Variants in NHSL2 observed in about 807,000 individuals in gnomAD.
The protein encoded by NHSL2 is NHS like 2.
NHSL2 carries 27 observed loss-of-function variants against 53.4 expected under a neutral mutation model. The ratio of observed to expected loss-of-function variants is 0.51; its 90% CI spans 0.37 to 0.70. The LOEUF is 0.70. NHSL2 is among the 30% of genes least tolerant of loss of function. NHSL2 has a pLI of 0.00. For missense variants in NHSL2, 892 were observed against 980.1 expected (o/e 0.91, Z 1.20); for synonymous variants, 408 against 404.1 (o/e 1.01, Z -0.12).
At chrX:72,047,773 C>G (rs1425586166) in intron 1 of NHSL2, among the ~76,000 whole-genome samples, 1 of 111,386 alleles carries the variant, frequency 9.0e-6, no homozygotes, top group East Asian at 2.8e-4. Flanking sequence ...GGGCTAGCAG[C>G]CTTTGAGACT....
chrX:72,132,340 A>T, intron 2 of NHSL2, 106 bp downstream of exon 2: 1 of 723,699 alleles, frequency 1.4e-6, no homozygotes, highest in Non-Finnish European at 2.0e-6. Context: ...ATAAAGACAG[A>T]GAGTTTAAAA....
chrX:71,924,997 A>G (rs1378268599), intron 1 of NHSL2, among the ~76,000 whole-genome samples: 2 of 112,415 alleles, frequency 1.8e-5, no homozygotes, highest in Non-Finnish European at 3.8e-5. Flanking sequence ...TTTTTCTTCA[A>G]AATCTAGTTT....
At chrX:71,939,399 A>T (rs1163790738) in intron 1 of NHSL2, among the ~76,000 whole-genome samples, 1 of 112,297 alleles carries the variant, frequency 8.9e-6, no homozygotes, top group Admixed American at 9.4e-5. Flanking sequence ...AAGTTGTGAC[A>T]TTGGAGGCTG....
At chrX:72,093,777 T>TCTTC (rs2041921435) in intron 1 of NHSL2, among the ~76,000 whole-genome samples, 1 of 108,776 alleles carries the variant, frequency 9.2e-6, no homozygotes, top group African/African-American at 3.4e-5. Flanking sequence ...TTTCTTTCTT[T>TCTTC]CTTTTCCTTT....
At chrX:71,947,071 C>T (rs768504469) in intron 1 of NHSL2, among the ~76,000 whole-genome samples, 4 of 112,080 alleles carry the variant, frequency 3.6e-5, no homozygotes, top group African/African-American at 1.3e-4. Flanking sequence ...TCCTCAGCTG[C>T]GCACCCTCTA....
At chrX:71,993,039 T>C (rs1016297001) in intron 1 of NHSL2, among the ~76,000 whole-genome samples, 1 of 112,406 alleles carries the variant, frequency 8.9e-6, no homozygotes, top group Non-Finnish European at 1.9e-5. Context: ...AGAGCCCCAG[T>C]GTCAGCTAGA....
intron 1 of NHSL2, among the ~76,000 whole-genome samples, chrX:72,005,475 T>C (rs764233042): frequency 1.8e-5 from 2 of 112,047 alleles, no homozygotes; most frequent in Non-Finnish European, 3.8e-5. Context: ...TTTAACCTCA[T>C]GATTCCCTGA....
At chrX:72,122,521 T>A (rs2042189314) in intron 1 of NHSL2, among the ~76,000 whole-genome samples, 1 of 111,694 alleles carries the variant, frequency 9.0e-6, no homozygotes, top group African/African-American at 3.3e-5. Context: ...ATATATGCTA[T>A]TATTATCTCA....
At chrX:72,039,724 C>A (rs1030800625) in intron 1 of NHSL2, among the ~76,000 whole-genome samples, 8 of 111,685 alleles carry the variant, frequency 7.2e-5, no homozygotes, top group Non-Finnish European at 1.1e-4. Flanking sequence ...CATTCTCAAT[C>A]CCTTGGCCTC....
chrX:71,955,929 G>A (rs748244779), intron 1 of NHSL2, among the ~76,000 whole-genome samples: 174 of 111,347 alleles, frequency 1.6e-3, no homozygotes, highest in African/African-American at 5.6e-3. Context: ...GAGCCAAAGA[G>A]CAGGACAGCC....
chrX:71,943,448 G>A (rs1394910425), intron 1 of NHSL2, among the ~76,000 whole-genome samples: 1 of 112,730 alleles, frequency 8.9e-6, no homozygotes, highest in Non-Finnish European at 1.9e-5. Flanking sequence ...TTGGACTATG[G>A]CTTCAGCCTA....
At chrX:71,940,187 A>G in intron 1 of NHSL2, among the ~76,000 whole-genome samples, 2 of 112,233 alleles carry the variant, frequency 1.8e-5, no homozygotes, top group South Asian at 7.4e-4. Context: ...GCCAAGCTAC[A>G]AGAAAGTTTC....
intron 1 of NHSL2, among the ~76,000 whole-genome samples, chrX:71,938,211 A>T (rs144445246): frequency 2.6e-3 from 291 of 112,345 alleles, no homozygotes; most frequent in African/African-American, 9.1e-3. Context: ...AAGGGATTGC[A>T]TGAGCAGGGT....
At chrX:71,978,364 G>T (rs904928304) in intron 1 of NHSL2, among the ~76,000 whole-genome samples, 6 of 111,965 alleles carry the variant, frequency 5.4e-5, no homozygotes, top group African/African-American at 1.9e-4. Context: ...CCCTTGGGTG[G>T]TGCTTTATAC....
chrX:71,994,523 A>C (rs1214106718), intron 1 of NHSL2, among the ~76,000 whole-genome samples: 2 of 110,998 alleles, frequency 1.8e-5, no homozygotes, highest in African/African-American at 6.6e-5. Flanking sequence ...ACTAGTGTTT[A>C]AGGAATGAGG....
Position 71,920,193 on chromosome X carries a change from A to G in NHSL2, c.280+8826A>G, listed in dbSNP as rs368159225. 2.1e-3 allele frequency among the ~76,000 whole-genome samples: 238 copies of G among 112,088 alleles called. 2 individuals carry two copies. Among genetic ancestry groups the G allele is most frequent in the Middle Eastern group, 4.6e-3 (1 of 217 alleles). ...GCAGTGTCTACAAGATGCCCTGGCC[A>G]CCAGGCAATCCAGCCATCTCCCTGG... On this transcript the variant is annotated intron_variant, in intron 1 of 7. Transcript: ENST00000633930.
At chrX:71,984,917 G>A (rs954843116) in intron 1 of NHSL2, among the ~76,000 whole-genome samples, 1 of 105,975 alleles carries the variant, frequency 9.4e-6, no homozygotes, top group African/African-American at 3.5e-5. Flanking sequence ...TCTGCCTCCC[G>A]GGTTCATGCC....
At chrX:72,052,157 G>GGTGCTGA (rs2042344107) in intron 1 of NHSL2, among the ~76,000 whole-genome samples, 1 of 112,147 alleles carries the variant, frequency 8.9e-6, no homozygotes, top group South Asian at 3.7e-4. Flanking sequence ...CTCTGCACTA[G>GGTGCTGA]GTGCTGAGTG....
At chrX:71,962,548 T>C (rs1477515270) in intron 1 of NHSL2, among the ~76,000 whole-genome samples, 1 of 110,624 alleles carries the variant, frequency 9.0e-6, no homozygotes, top group African/African-American at 3.3e-5. Context: ...GTGTTTTTGT[T>C]TCTAGGAACT....
Sources: gnomAD v4.1 joint callset for allele counts (sites outside exome capture counted in the v4.1 genomes callset) on GRCh38, gnomAD v4.1.1 for gene constraint, MANE v1.5 for transcripts, NCBI Gene and HGNC (gene_info 2026-07-23, HGNC 2026-07-21) for gene names.